The following SPAG16 variants were observed in gnomAD, a reference collection of about 807,000 sequenced individuals.
The protein encoded by SPAG16 is sperm-associated antigen 16 protein.
SPAG16 carries 86 observed loss-of-function variants against 80.4 expected under a neutral mutation model. The ratio of observed to expected loss-of-function variants is 1.07; its 90% CI spans 0.90 to 1.28. The LOEUF (loss-of-function observed/expected upper bound fraction) is 1.28, where lower values mean the gene tolerates loss of function less well. Among genes scored for constraint, SPAG16 ranks in the 50% most tolerant of loss-of-function variants. The pLI is 0.00. For synonymous variants in SPAG16, 294 were observed against 265.9 expected (o/e 1.11, Z -1.03); for missense variants, 870 against 765.3 (o/e 1.14, Z -1.61).
At chr2:214,279,914 G>A (rs1692784454) in intron 15 of SPAG16, among the ~76,000 whole-genome samples, 1 of 152,108 alleles carries the variant, frequency 6.6e-6, no homozygotes, top group African/African-American at 2.4e-5. Flanking sequence ...AAATAAAAAA[G>A]TATTTTGAAG....
At chr2:214,391,059 C>T (rs970737006) in intron 15 of SPAG16, among the ~76,000 whole-genome samples, 1 of 152,088 alleles carries the variant, frequency 6.6e-6, no homozygotes, top group Admixed American at 6.5e-5. Flanking sequence ...ATTACTACAC[C>T]AGAGATCACA....
chr2:214,258,455 GTATGTATGTGTGTGTGTATATATATA>G (rs1690860688), intron 15 of SPAG16, among the ~76,000 whole-genome samples: 1 of 126,940 alleles, frequency 7.9e-6, no homozygotes, highest in East Asian at 2.2e-4. Flanking sequence ...CACAGTGTGT[GTATGTATGTGTGTGTGTATATATATA>G]TATATATATA....
chr2:213,797,614 T>C (rs1406948392), intron 10 of SPAG16, among the ~76,000 whole-genome samples: 2 of 152,228 alleles, frequency 1.3e-5, no homozygotes, highest in African/African-American at 2.4e-5. Context: ...GTACACTCTA[T>C]TGATATACTC....
intron 11 of SPAG16, among the ~76,000 whole-genome samples, chr2:213,928,518 C>T (rs2078597213): frequency 6.6e-6 from 1 of 152,166 alleles, no homozygotes; most frequent in Non-Finnish European, 1.5e-5. Flanking sequence ...AATTACATTT[C>T]CCTCTTAGCT....
At chr2:213,680,527 T>A (rs181229589) in intron 10 of SPAG16, among the ~76,000 whole-genome samples, 53 of 152,230 alleles carry the variant, frequency 3.5e-4, no homozygotes, top group African/African-American at 1.2e-3. Context: ...TTCAAGACCC[T>A]AAACCTGTAT....
chr2:214,262,214 C>G (rs1348768959), intron 15 of SPAG16, among the ~76,000 whole-genome samples: 1 of 151,938 alleles, frequency 6.6e-6, no homozygotes, highest in Non-Finnish European at 1.5e-5. Context: ...TCAAACTGCT[C>G]TTAGCATGAG....
At chr2:213,430,885 A>G (rs1209525141) in intron 9 of SPAG16, among the ~76,000 whole-genome samples, 4 of 152,226 alleles carry the variant, frequency 2.6e-5, no homozygotes, top group Non-Finnish European at 5.9e-5. Context: ...GCAACTTTCC[A>G]GCAGAAACCT....
chr2:213,289,093 A>C (rs1209060739), intron 1 of SPAG16, among the ~76,000 whole-genome samples: 1 of 152,246 alleles, frequency 6.6e-6, no homozygotes, highest in Non-Finnish European at 1.5e-5. Flanking sequence ...CTTTAAATAA[A>C]TATTCTAATT....
chr2:213,432,053 G>A (rs2070336371), intron 9 of SPAG16, among the ~76,000 whole-genome samples: 2 of 151,978 alleles, frequency 1.3e-5, no homozygotes, highest in African/African-American at 2.4e-5. Context: ...GAAGGAATAT[G>A]AAAACACAAC....
chr2:213,581,352 AACCACAGTTATGTACC>A lies in SPAG16; in HGVS notation c.1070+91267_1070+91282del, dbSNP rs2060291769. ...CCACCTTAGCCTCCCAAGTAGCTGG[AACCACAGTTATGTACC>A]ACCATAGTTAGCTAATTTTAAAATT... On this transcript the variant is annotated intron_variant, in intron 10 of 15. Coordinates refer to ENST00000331683, the MANE Select transcript of SPAG16 (RefSeq NM_024532.5). Among the ~76,000 whole-genome samples the A allele has an allele frequency of 5.9e-5, 9 of 152,046 alleles. No homozygotes were observed. In the South Asian group the frequency reaches 1.9e-3, roughly 32 times the overall value.
intron 10 of SPAG16, among the ~76,000 whole-genome samples, chr2:213,773,296 G>A (rs1357741466): frequency 6.6e-6 from 1 of 152,100 alleles, no homozygotes; most frequent in African/African-American, 2.4e-5. Flanking sequence ...TTGAATCTGA[G>A]CAAAGTCATT....
chr2:214,249,127 T>C (rs1690065819), intron 15 of SPAG16, among the ~76,000 whole-genome samples: 1 of 152,110 alleles, frequency 6.6e-6, no homozygotes, highest in African/African-American at 2.4e-5. Context: ...ACACACTATG[T>C]GGGACTGAAG....
At chr2:214,284,736 T>A (rs556603012) in intron 15 of SPAG16, among the ~76,000 whole-genome samples, 1 of 152,298 alleles carries the variant, frequency 6.6e-6, no homozygotes, top group Admixed American at 6.5e-5. Context: ...CTAGTCAAAC[T>A]TCATTACCAA....
chr2:213,454,255 C>T (rs964884812), intron 9 of SPAG16, among the ~76,000 whole-genome samples: 1 of 151,976 alleles, frequency 6.6e-6, no homozygotes, highest in East Asian at 1.9e-4. Flanking sequence ...TAAAAATTTT[C>T]TTGATGTTAG....
intron 15 of SPAG16, among the ~76,000 whole-genome samples, chr2:214,173,291 G>A (rs986190584): frequency 1.3e-5 from 2 of 152,138 alleles, no homozygotes; most frequent in Admixed American, 6.6e-5. Flanking sequence ...GTGAGGAAGG[G>A]ATCCAGTTTC....
intron 4 of SPAG16, among the ~76,000 whole-genome samples, chr2:213,316,385 ATGC>A (rs1167496397): frequency 6.6e-6 from 1 of 152,100 alleles, no homozygotes; most frequent in East Asian, 1.9e-4. Flanking sequence ...TCAAGCCACC[ATGC>A]TCTCTCTTTG....
chr2:213,862,788 A>G (rs2075531952), intron 11 of SPAG16, among the ~76,000 whole-genome samples, 160 bp downstream of exon 11: 1 of 152,204 alleles, frequency 6.6e-6, no homozygotes, highest in Admixed American at 6.5e-5. Flanking sequence ...TTTGGTTTTC[A>G]GTATATTGAC....
intron 10 of SPAG16, among the ~76,000 whole-genome samples, chr2:213,764,278 G>T (rs1429117174): frequency 6.6e-6 from 1 of 151,660 alleles, no homozygotes; most frequent in East Asian, 1.9e-4. Flanking sequence ...GAACCCAAAT[G>T]AATGCTTGGA....
intron 10 of SPAG16, among the ~76,000 whole-genome samples, chr2:213,556,874 A>T: frequency 6.6e-6 from 1 of 152,174 alleles, no homozygotes; most frequent in East Asian, 1.9e-4. Context: ...ACATGTAAGA[A>T]GATTAAAATG....
Sources: gnomAD v4.1 joint callset for allele counts (sites outside exome capture counted in the v4.1 genomes callset) on GRCh38, gnomAD v4.1.1 for gene constraint, MANE v1.5 for transcripts, NCBI Gene and HGNC (gene_info 2026-07-23, HGNC 2026-07-21) for gene names.